The following SATL1 variants were observed in gnomAD, a reference collection of about 807,000 sequenced individuals.
SATL1 encodes spermidine/spermine N1-acetyl transferase like 1.
A neutral mutation model predicts 51.8 loss-of-function variants in SATL1; 47 were observed. That is an observed-to-expected ratio of 0.91 (90% CI 0.72 to 1.16). The LOEUF is 1.16. SATL1 is among the 50% of genes most tolerant of loss of function. SATL1 has a pLI of 0.00. For missense variants in SATL1, 520 were observed against 526.4 expected, an observed-to-expected ratio of 0.99 and a Z score of 0.12; for synonymous variants, 176 against 182.4, an observed-to-expected ratio of 0.97 and a Z score of 0.28.
intron 2 of SATL1, among the ~76,000 whole-genome samples, chrX:85,185,924 A>G (rs1927305435): frequency 9.1e-6 from 1 of 110,436 alleles, no homozygotes; most frequent in South Asian, 4.0e-4. Context: ...ACAGCTGGGC[A>G]TGTGCTGGGT....
chrX:85,225,261 A>G (rs1471325201), intron 1 of SATL1, among the ~76,000 whole-genome samples: 1 of 112,107 alleles, frequency 8.9e-6, no homozygotes. Context: ...CACACACACA[A>G]CTACAGATAA....
chrX:85,099,259 C>T (rs979000992), intron 4 of SATL1, among the ~76,000 whole-genome samples: 2 of 111,039 alleles, frequency 1.8e-5, no homozygotes, highest in Non-Finnish European at 3.8e-5. Context: ...AATCAGTAAT[C>T]AAAGATCTCC....
In SATL1 at chrX:85,133,868, A is replaced by C. The variant is rs914619366; in HGVS notation, c.-312-24588T>G. ...CATAAATCTTTTGCTTGATTAAATT[A>C]TTTTAATGTCTCCTGTTTTATATAA... On this transcript the variant is annotated intron_variant, in intron 2 of 7. Transcript: ENST00000644105. 2.7e-5 allele frequency among the ~76,000 whole-genome samples: 3 copies of C among 112,259 alleles called. No individual in the cohort carries two copies. The East Asian group carries it at 8.4e-4, about 31-fold the overall frequency.
intron 2 of SATL1, among the ~76,000 whole-genome samples, chrX:85,173,621 T>A (rs1352578215): frequency 9.0e-6 from 1 of 110,622 alleles, no homozygotes; most frequent in Non-Finnish European, 1.9e-5. Flanking sequence ...TATACAACTT[T>A]CCAAATTAGG....
At chrX:85,136,791 T>C (rs1243500521) in intron 2 of SATL1, among the ~76,000 whole-genome samples, 1 of 111,882 alleles carries the variant, frequency 8.9e-6, no homozygotes, top group Non-Finnish European at 1.9e-5. Context: ...AAAGTGTACC[T>C]GCCTTCTCAT....
intron 2 of SATL1, among the ~76,000 whole-genome samples, chrX:85,151,575 G>T (rs1362582557): frequency 9.0e-6 from 1 of 111,289 alleles, no homozygotes; most frequent in Admixed American, 9.6e-5. Flanking sequence ...TATACTACAA[G>T]GCTACAGTAA....
At position 85,097,451 on chromosome X, in the gene SATL1, C is replaced by T. The variant is rs774250885; in HGVS notation, c.1694-2455G>A. 1.1e-4 allele frequency among the ~76,000 whole-genome samples: 12 copies of T among 112,345 alleles called. No homozygotes were observed. In the East Asian group the frequency reaches 3.3e-3, roughly 31 times the overall value. ...CTCCTGGGTTCAGGTAGTTCTCATG[C>T]CTCAGCCTCCCATGTAGCTGGGACT... On this transcript the variant is annotated intron_variant, in intron 4 of 7. Transcript: ENST00000644105.
intron 2 of SATL1, among the ~76,000 whole-genome samples, chrX:85,125,594 G>T (rs1481495714): frequency 9.3e-6 from 1 of 107,440 alleles, no homozygotes. Context: ...TTATGTAAAT[G>T]GTGTAAATGG....
At chrX:85,203,791 C>T (rs1236285170) in intron 2 of SATL1, among the ~76,000 whole-genome samples, 2 of 112,574 alleles carry the variant, frequency 1.8e-5, no homozygotes, top group Non-Finnish European at 3.8e-5. Context: ...GGAGCTCCTT[C>T]TTAGTGAGGT....
chrX:85,116,616 T>C (rs989612809), intron 2 of SATL1, among the ~76,000 whole-genome samples: 4 of 111,403 alleles, frequency 3.6e-5, no homozygotes, highest in African/African-American at 1.3e-4. Context: ...CCTTATAATG[T>C]GTATGCTTGA....
chrX:85,202,629 G>A (rs910647501), intron 2 of SATL1, among the ~76,000 whole-genome samples: 4 of 111,945 alleles, frequency 3.6e-5, no homozygotes, highest in East Asian at 5.6e-4. Context: ...AGGGTCCTTC[G>A]CTTATTCCTA....
intron 2 of SATL1, among the ~76,000 whole-genome samples, chrX:85,143,664 G>A (rs1430610093): frequency 1.8e-5 from 2 of 111,251 alleles, no homozygotes; most frequent in Non-Finnish European, 3.8e-5. Flanking sequence ...AAACCTGAAA[G>A]TATCTGTTTT....
In SATL1 at chrX:85,104,223, G is replaced by T. The variant is rs140733607; in HGVS notation, c.1642-308C>A. Among the ~76,000 whole-genome samples, 512 of 111,852 alleles carry T rather than the reference G, an allele frequency of 4.6e-3. 3 individuals are homozygous for T. Among genetic ancestry groups the T allele is most frequent in the African/African-American group, 0.016 (491 of 30,889 alleles). On this transcript the variant is annotated intron_variant, in intron 3 of 7. Coordinates refer to ENST00000644105, the MANE Select transcript of SATL1 (RefSeq NM_001367857.2). ...GAAGTAAGGCAAAAAAAGTTACTGA[G>T]CATTCAAGGCAGCTGTCATAAAGTT... is the stretch of plus-strand genomic sequence containing the variant.
At chrX:85,217,860 T>A (rs1280710880) in intron 2 of SATL1, among the ~76,000 whole-genome samples, 2 of 111,882 alleles carry the variant, frequency 1.8e-5, no homozygotes, top group African/African-American at 6.5e-5. Flanking sequence ...TAATCTCTAA[T>A]CAGAGGCAGT....
intron 2 of SATL1, chrX:85,211,790 T>G (rs1476484806): frequency 8.9e-6 from 1 of 111,764 alleles, no homozygotes; most frequent in Non-Finnish European, 1.9e-5. Flanking sequence ...GACAGATAGA[T>G]AGAAATAGAA....
chrX:85,200,011 A>G (rs1202741545), intron 2 of SATL1, among the ~76,000 whole-genome samples: 1 of 112,094 alleles, frequency 8.9e-6, no homozygotes, highest in African/African-American at 3.2e-5. Flanking sequence ...TACCCCATTT[A>G]CCCTGATGTG....
At chrX:85,150,916 T>A (rs1388453699) in intron 2 of SATL1, among the ~76,000 whole-genome samples, 1 of 110,490 alleles carries the variant, frequency 9.1e-6, no homozygotes, top group East Asian at 2.9e-4. Context: ...AAGACAGGGA[T>A]GCCCTCTCTC....
chrX:85,228,065 G>A (rs1278766140), intron 1 of SATL1, among the ~76,000 whole-genome samples: 1 of 110,969 alleles, frequency 9.0e-6, no homozygotes, highest in Non-Finnish European at 1.9e-5. Flanking sequence ...GGTGATGAGA[G>A]CATGGACGTT....
intron 1 of SATL1, among the ~76,000 whole-genome samples, chrX:85,225,123 T>C (rs765637489): frequency 2.7e-4 from 30 of 110,143 alleles, no homozygotes; most frequent in Non-Finnish European, 4.8e-4. Flanking sequence ...GTTAGGGGGG[T>C]GGGAGAAAAG....
Sources: allele counts gnomAD v4.1 joint callset (sites outside exome capture counted in the v4.1 genomes callset), GRCh38; gene constraint gnomAD v4.1.1; transcripts MANE v1.5; gene names NCBI Gene and HGNC (gene_info 2026-07-23, HGNC 2026-07-21).